Variants in RTL9 observed in about 807,000 individuals in gnomAD.
RTL9 encodes retrotransposon Gag like 9, also known as retrotransposon Gag-like protein 9.
RTL9 carries 19 observed loss-of-function variants against 44.7 expected under a neutral mutation model. The observed-to-expected ratio is 0.42, with a 90% confidence interval of 0.30 to 0.62. The LOEUF (loss-of-function observed/expected upper bound fraction) is 0.62, where lower values mean the gene tolerates loss of function less well. Among genes scored for constraint, RTL9 ranks in the 20% least tolerant of loss-of-function variants. The probability of loss-of-function intolerance (pLI) is 0.16; values close to 1 mark genes in which losing one functional copy is unlikely to be tolerated. For synonymous variants in RTL9, 407 were observed against 398.9 expected (o/e 1.02, Z -0.24); for missense variants, 1,105 against 1,080.6 (o/e 1.02, Z -0.32).
intron 1 of RTL9, among the ~76,000 whole-genome samples, chrX:110,379,602 T>C (rs1189190477): frequency 8.9e-6 from 1 of 112,453 alleles, no homozygotes; most frequent in Non-Finnish European, 1.9e-5. Context: ...GAAATGTGGC[T>C]GCCAAAGTAA....
intron 1 of RTL9, among the ~76,000 whole-genome samples, chrX:110,379,696 G>A (rs964219005): frequency 8.9e-6 from 1 of 112,079 alleles, no homozygotes. Context: ...GAAGGATGAG[G>A]AAAGCAATGG....
intron 1 of RTL9, among the ~76,000 whole-genome samples, chrX:110,408,584 T>A (rs2068619187): frequency 8.9e-6 from 1 of 112,542 alleles, no homozygotes; most frequent in African/African-American, 3.2e-5. Context: ...CCCACAGTTT[T>A]AATCAACTAT....
intron 1 of RTL9, among the ~76,000 whole-genome samples, chrX:110,392,538 C>T (rs1200439142): frequency 8.9e-6 from 1 of 112,009 alleles, no homozygotes; most frequent in Non-Finnish European, 1.9e-5. Context: ...TCACTTCGGC[C>T]TCCCAAAGGA....
exon 1 of RTL9, chrX:110,453,590 G>A (rs1426404351): frequency 1.7e-6 from 2 of 1,212,035 alleles, no homozygotes; most frequent in East Asian, 5.9e-5. Context: ...CGTCCACATT[G>A]CAAACCAGTG....
intron 1 of RTL9, among the ~76,000 whole-genome samples, chrX:110,435,157 A>G (rs1281033182): frequency 2.2e-5 from 2 of 91,654 alleles, no homozygotes; most frequent in Non-Finnish European, 4.4e-5. Flanking sequence ...GTGAGGGAGG[A>G]AGGAAAGGGA....
intron 1 of RTL9, among the ~76,000 whole-genome samples, chrX:110,386,025 A>T (rs1166171338): frequency 1.8e-5 from 2 of 112,147 alleles, no homozygotes; most frequent in African/African-American, 3.2e-5. Context: ...TTTTCCATTT[A>T]TCAGTTGATT....
chrX:110,427,262 C>G (rs1450735800), intron 1 of RTL9, among the ~76,000 whole-genome samples: 1 of 111,815 alleles, frequency 8.9e-6, no homozygotes, highest in Non-Finnish European at 1.9e-5. Context: ...ACATGCAAAT[C>G]AAATCATTTC....
chrX:110,374,778 C>T (rs755902151), intron 1 of RTL9, among the ~76,000 whole-genome samples: 1 of 109,931 alleles, frequency 9.1e-6, no homozygotes, highest in Non-Finnish European at 1.9e-5. Flanking sequence ...CATGAATAGA[C>T]CATAGGATAG....
intron 1 of RTL9, among the ~76,000 whole-genome samples, chrX:110,405,738 G>A (rs941022794): frequency 2.7e-5 from 3 of 111,316 alleles, no homozygotes; most frequent in African/African-American, 6.5e-5. Context: ...ATTTCCATAG[G>A]AGGAAACGGG....
chrX:110,436,435 T>C (rs2068838900), intron 1 of RTL9, among the ~76,000 whole-genome samples: 1 of 111,986 alleles, frequency 8.9e-6, no homozygotes, highest in Admixed American at 9.5e-5. Context: ...ACTGCTGGAA[T>C]ATGCATTTTA....
chrX:110,453,511 C>T, exon 1 of RTL9: 1 of 1,212,128 alleles, frequency 8.2e-7, no homozygotes, highest in Non-Finnish European at 1.1e-6. Context: ...ATGCCCATGC[C>T]TTTAATGTCA....
intron 1 of RTL9, among the ~76,000 whole-genome samples, chrX:110,378,085 C>T (rs771979858): frequency 1.9e-5 from 2 of 106,625 alleles, no homozygotes; most frequent in Non-Finnish European, 3.8e-5. Context: ...CTTCAAGATT[C>T]TGATTTCCTT....
At chrX:110,372,096 C>G (rs906701815) in intron 1 of RTL9, among the ~76,000 whole-genome samples, 7 of 111,393 alleles carry the variant, frequency 6.3e-5, no homozygotes, top group Non-Finnish European at 1.9e-5. Flanking sequence ...TAGCTATTCC[C>G]CCACCTCTTT....
At chrX:110,399,242 C>T (rs2068548448) in intron 1 of RTL9, among the ~76,000 whole-genome samples, 1 of 112,546 alleles carries the variant, frequency 8.9e-6, no homozygotes, top group South Asian at 3.7e-4. Flanking sequence ...TCAGAACAAC[C>T]CTTCAAGGTA....
intron 1 of RTL9, among the ~76,000 whole-genome samples, chrX:110,409,334 A>G (rs781279816): frequency 9.0e-6 from 1 of 111,325 alleles, no homozygotes; most frequent in African/African-American, 3.3e-5. Flanking sequence ...TCTTATCTTG[A>G]GACATGCTGG....
chrX:110,404,185 T>A (rs1308183790), intron 1 of RTL9, among the ~76,000 whole-genome samples: 1 of 112,358 alleles, frequency 8.9e-6, no homozygotes, highest in Non-Finnish European at 1.9e-5. Context: ...TCCTTCATTT[T>A]TTTTCCTCTT....
chrX:110,372,583 G>A (rs1273061199), intron 1 of RTL9, among the ~76,000 whole-genome samples: 1 of 111,389 alleles, frequency 9.0e-6, no homozygotes, highest in Non-Finnish European at 1.9e-5. Flanking sequence ...TTTTATGGCT[G>A]CATTGTATTT....
At chrX:110,430,114 C>G (rs1476708039) in intron 1 of RTL9, among the ~76,000 whole-genome samples, 1 of 112,255 alleles carries the variant, frequency 8.9e-6, no homozygotes, top group African/African-American at 3.2e-5. Flanking sequence ...ATTGTTTAGT[C>G]CCAAAGGCAA....
At chrX:110,370,764 A>G (rs1360805892) in intron 1 of RTL9, among the ~76,000 whole-genome samples, 1 of 112,253 alleles carries the variant, frequency 8.9e-6, no homozygotes, top group Non-Finnish European at 1.9e-5. Flanking sequence ...TGGAGTCCAC[A>G]TGGCTAAGAT....
Sources: allele counts gnomAD v4.1 joint callset (sites outside exome capture counted in the v4.1 genomes callset), GRCh38; gene constraint gnomAD v4.1.1; transcripts MANE v1.5; gene names NCBI Gene and HGNC (gene_info 2026-07-23, HGNC 2026-07-21).